The following CPA6 variants were observed in gnomAD, a reference collection of about 807,000 sequenced individuals.
CPA6 encodes the protein carboxypeptidase A6.
In CPA6, 58 loss-of-function variants were observed where a neutral mutation model predicts 63.3. The ratio of observed to expected loss-of-function variants is 0.92; its 90% CI spans 0.74 to 1.14. CPA6 has a LOEUF of 1.14. CPA6 is among the 50% of genes most tolerant of loss of function. The pLI is 0.00. For missense variants in CPA6, 565 were observed against 526.6 expected (o/e 1.07, Z -0.71); for synonymous variants, 185 against 179.0 (o/e 1.03, Z -0.27).
At chr8:67,488,754 G>A (rs1811540741) in intron 6 of CPA6, among the ~76,000 whole-genome samples, 1 of 152,170 alleles carries the variant, frequency 6.6e-6, no homozygotes, top group African/African-American at 2.4e-5. Flanking sequence ...AGTTCTCCTT[G>A]AAGAGGTCCT....
At chr8:67,452,579 T>C (rs1810578931) in intron 8 of CPA6, 2 of 152,256 alleles carry the variant, frequency 1.3e-5, no homozygotes. Context: ...GCACACACCA[T>C]GCCTCACGCA....
intron 10 of CPA6, among the ~76,000 whole-genome samples, chr8:67,422,906 C>T (rs556524498): frequency 3.3e-5 from 5 of 152,308 alleles, no homozygotes; most frequent in Non-Finnish European, 5.9e-5. Context: ...ATCCAGTCTA[C>T]GTGTGAATGC....
chr8:67,690,891 A>G (rs1291979113), intron 1 of CPA6, among the ~76,000 whole-genome samples: 1 of 152,244 alleles, frequency 6.6e-6, no homozygotes, highest in African/African-American at 2.4e-5. Flanking sequence ...TAACAAATAT[A>G]ACTTTTCTAC....
At chr8:67,566,674 T>C (rs1039889877) in intron 2 of CPA6, among the ~76,000 whole-genome samples, 1 of 152,224 alleles carries the variant, frequency 6.6e-6, no homozygotes, top group African/African-American at 2.4e-5. Context: ...TATCTCATGG[T>C]CTAGCTGCAT....
chr8:67,546,969 TGTGAGC>T (rs1812830445), intron 2 of CPA6, among the ~76,000 whole-genome samples: 1 of 152,132 alleles, frequency 6.6e-6, no homozygotes, highest in Non-Finnish European at 1.5e-5. Flanking sequence ...GAACTACAGG[TGTGAGC>T]CACTGCACCC....
At chr8:67,689,978 T>G (rs1816783246) in intron 1 of CPA6, among the ~76,000 whole-genome samples, 1 of 152,232 alleles carries the variant, frequency 6.6e-6, no homozygotes, top group Non-Finnish European at 1.5e-5. Context: ...CTGACTGATG[T>G]GAGATGGTAT....
intron 2 of CPA6, among the ~76,000 whole-genome samples, chr8:67,528,737 C>T (rs1812416570): frequency 6.6e-6 from 1 of 151,942 alleles, no homozygotes; most frequent in African/African-American, 2.4e-5. Flanking sequence ...GTCAGCTGAC[C>T]TCAGGGTAAA....
chr8:67,737,437 C>T (rs1817834395), intron 1 of CPA6, among the ~76,000 whole-genome samples: 1 of 152,042 alleles, frequency 6.6e-6, no homozygotes, highest in Non-Finnish European at 1.5e-5. Flanking sequence ...ATAAACCACT[C>T]AAATGTGTTT....
At chr8:67,436,776 A>G (rs1810165964) in intron 8 of CPA6, among the ~76,000 whole-genome samples, 1 of 152,226 alleles carries the variant, frequency 6.6e-6, no homozygotes, top group Non-Finnish European at 1.5e-5. Flanking sequence ...TTCTAAGAAA[A>G]TGTGGAAATA....
intron 2 of CPA6, among the ~76,000 whole-genome samples, chr8:67,586,201 A>T (rs566700938): frequency 2.6e-4 from 40 of 152,142 alleles, no homozygotes; most frequent in African/African-American, 8.9e-4. Flanking sequence ...GGTAGGCTAT[A>T]TGTTCTGTTA....
At chr8:67,423,191 T>C (rs1809807228) in intron 10 of CPA6, among the ~76,000 whole-genome samples, 1 of 152,160 alleles carries the variant, frequency 6.6e-6, no homozygotes, top group South Asian at 2.1e-4. Flanking sequence ...TTCAAGTGAT[T>C]CTCCTGCCTC....
intron 1 of CPA6, among the ~76,000 whole-genome samples, chr8:67,631,909 C>T (rs866678211): frequency 6.6e-6 from 1 of 151,982 alleles, no homozygotes; most frequent in Non-Finnish European, 1.5e-5. Flanking sequence ...AGCGAGACCA[C>T]GAACCCACCA....
In CPA6 at chr8:67,714,474, C is replaced by T. The variant is rs374301831; in HGVS notation, c.116+31540G>A. ...TTGCAATCCTAGCACTTCGGGAGCC[C>T]GAGCACTCCTCAGGCTCAGGAGGTT... On this transcript the variant is annotated intron_variant, in intron 1 of 10. Transcript: ENST00000297770. 2.0e-5 allele frequency among the ~76,000 whole-genome samples: 3 copies of T among 152,070 alleles called. No homozygotes were observed. In the East Asian group the frequency reaches 5.8e-4, roughly 29 times the overall value.
chr8:67,614,311 G>T (rs379025), intron 2 of CPA6, among the ~76,000 whole-genome samples: 85,337 of 152,130 alleles, frequency 0.56, 26,327 homozygotes, highest in African/African-American at 0.83. Flanking sequence ...CTGTCACATG[G>T]TCTGCAAGGG....
At chr8:67,653,350 G>A (rs1232680576) in intron 1 of CPA6, among the ~76,000 whole-genome samples, 6 of 151,696 alleles carry the variant, frequency 4.0e-5, no homozygotes, top group South Asian at 4.2e-4. Context: ...CCATTTTCAC[G>A]ATATTGATTC....
At chr8:67,600,816 C>T (rs1402550499) in intron 2 of CPA6, among the ~76,000 whole-genome samples, 1 of 152,086 alleles carries the variant, frequency 6.6e-6, no homozygotes, top group Non-Finnish European at 1.5e-5. Context: ...CTCAAAGAAC[C>T]TCATTTTGTA....
intron 1 of CPA6, among the ~76,000 whole-genome samples, chr8:67,681,637 T>G (rs181778656): frequency 6.6e-6 from 1 of 152,344 alleles, no homozygotes; most frequent in East Asian, 1.9e-4. Context: ...GGAATACAGA[T>G]ATTCAGCACC....
At chr8:67,644,910 A>T (rs1815682416) in intron 1 of CPA6, among the ~76,000 whole-genome samples, 2 of 152,180 alleles carry the variant, frequency 1.3e-5, no homozygotes, top group Admixed American at 1.3e-4. Context: ...GCATTCATAC[A>T]TACTCTTGCC....
At chr8:67,704,686 G>A (rs1817095265) in intron 1 of CPA6, among the ~76,000 whole-genome samples, 1 of 152,202 alleles carries the variant, frequency 6.6e-6, no homozygotes, top group African/African-American at 2.4e-5. Flanking sequence ...ATTGTGATGA[G>A]ATGGGACCAA....
Sources: gnomAD v4.1 joint callset for allele counts (sites outside exome capture counted in the v4.1 genomes callset) on GRCh38, gnomAD v4.1.1 for gene constraint, MANE v1.5 for transcripts, NCBI Gene and HGNC (gene_info 2026-07-23, HGNC 2026-07-21) for gene names.